PGA4: variants seen among roughly 807,000 people sequenced by gnomAD.
PGA4 encodes pepsin A-4.
For synonymous variants in PGA4, 4 were observed against 8.7 expected (o/e 0.46, Z 0.95); for missense variants, 7 against 20.3 (o/e 0.35, Z 1.26).
chr11:61,230,134 C>T, intron 7 of PGA4, 32 bp from the exon 8 acceptor site: 2 of 296,422 alleles, frequency 6.7e-6, no homozygotes. Context: ...GACAGAAACC[C>T]TTCTAACTTT....
At position 61,229,997 on chromosome 11, in the gene PGA4, C is replaced by T. The variant is rs201880291; in HGVS notation, c.852C>T (p.Thr284=). ...AIVDTGTSLL[T]GPTSPIANIQ... ...TTGACACCGGCACCTCTCTGCTGAC[C>T]GGCCCAACCAGCCCCATTGCCAACA... The change falls in exon 7 of 9, where the codon ACC becomes ACT. Residue 284 remains threonine (T), a synonymous_variant. Coordinates refer to ENST00000378149, the MANE Select transcript of PGA4 (RefSeq NM_001079808.6). 1.3e-5 allele frequency: 2 copies of T among 154,338 alleles called. No homozygotes were observed. The highest frequency in any genetic ancestry group is 2.5e-4 in the Admixed American group (2 of 8,040). 9.6% of individuals were successfully genotyped at this position (154,338 alleles called of 1,614,324 possible).
At position 61,230,226 on chromosome 11, in the gene PGA4, G is replaced by C. The variant is rs141571767; in HGVS notation, c.979G>C (p.Val327Leu). Residue 327 changes from valine (V) to leucine (L), a missense_variant, in exon 8 of 9, where the codon GTC (valine) becomes CTC (leucine). Val to Leu is a conservative substitution (Grantham distance 32). Transcript: ENST00000378149. Reference protein sequence around the residue: ...LPDIVFTINGVQYPVPPSAYI... With the variant: ...LPDIVFTINGLQYPVPPSAYI... ...CGACATCGTCTTCACCATCAATGGA[G>C]TCCAGTACCCCGTGCCACCCAGTGC... 2.5e-6 allele frequency: 1 copy of C among 405,834 alleles called. No individual in the cohort carries two copies. The highest frequency in any genetic ancestry group is 4.0e-6 in the Non-Finnish European group (1 of 252,554). 25.1% of individuals were successfully genotyped at this position (405,834 alleles called of 1,614,324 possible).
At position 61,230,208 on chromosome 11, in the gene PGA4, G is replaced by T. The variant is rs775886697; in HGVS notation, c.961G>T (p.Val321Phe). The T allele has an allele frequency of 4.7e-4, 190 of 401,854 alleles. 11 individuals are homozygous for T. The highest frequency in any genetic ancestry group is 6.2e-4 in the Non-Finnish European group (155 of 251,588). The allele number at this position is 401,854 out of a possible 1,614,324, so 24.9% of individuals were successfully genotyped here. A position where few individuals can be genotyped will look rare whatever the true frequency, so the allele number is the denominator to read the frequency against. The part of the protein sequence containing the change: ...CSAISSLPDI[V>F]FTINGVQYPV... ...AGCCATCAGCAGCCTGCCCGACATC[G>T]TCTTCACCATCAATGGAGTCCAGTA... is the stretch of plus-strand genomic sequence containing the variant. Residue 321 changes from valine to phenylalanine, a missense_variant, in exon 8 of 9, where the codon GTC becomes TTC. By Grantham distance (50) the Val-to-Phe change is conservative. Coordinates refer to ENST00000378149, the MANE Select transcript of PGA4 (RefSeq NM_001079808.6).
Position 61,230,522 on chromosome 11 carries a change from G to C in PGA4, c.1017+258G>C, listed in dbSNP as rs199521721. 1,160 of 313,436 alleles carry C rather than the reference G, an allele frequency of 3.7e-3. 45 individuals carry two copies. Among genetic ancestry groups the C allele is most frequent in the African/African-American group, 0.017 (357 of 21,414 alleles). The allele number at this position is 313,436 out of a possible 1,614,324, so 19.4% of individuals were successfully genotyped here. On this transcript the variant is annotated intron_variant, in intron 8 of 8. Coordinates refer to ENST00000378149, the MANE Select transcript of PGA4 (RefSeq NM_001079808.6). ...AAAGAGGATTCTATTTGGACCCCTGGGTCCAAGTCCTGGGTCTGAATTACT... is the reference window on the plus strand; with the variant it reads ...AAAGAGGATTCTATTTGGACCCCTGCGTCCAAGTCCTGGGTCTGAATTACT...
chr11:61,230,097 C>T, intron 7 of PGA4, 34 bp downstream of exon 7: 1 of 254,138 alleles, frequency 3.9e-6, no homozygotes, highest in Non-Finnish European at 6.3e-6. Context: ...GTTCTACACT[C>T]AAGTAGTGGG....
Position 61,229,718 on chromosome 11 carries a change from C to T in PGA4, c.774-201C>T. 9 of 4,354 alleles carry T rather than the reference C, an allele frequency of 2.1e-3. 2 individuals carry two copies. The highest frequency in any genetic ancestry group is 6.2e-3 in the Admixed American group (9 of 1,456). 0.3% of individuals were successfully genotyped at this position (4,354 alleles called of 1,614,324 possible). A position where few individuals can be genotyped will look rare whatever the true frequency, so the allele number is the denominator to read the frequency against. On this transcript the variant is annotated intron_variant, in intron 6 of 8. Coordinates refer to ENST00000378149, the MANE Select transcript of PGA4 (RefSeq NM_001079808.6). ...TTGTTTCACTTGGCATTTCCCATGC[C>T]TGGCAGAGAGTAGGCACTTGGGAAA...
Position 61,230,083 on chromosome 11 carries a change from C to T in PGA4, c.918+20C>T, listed in dbSNP as rs1853999746. The T allele has an allele frequency of 4.5e-6, 1 of 223,274 alleles. No individual in the cohort carries two copies. Among genetic ancestry groups the T allele is most frequent in the Admixed American group, 8.9e-5 (1 of 11,210 alleles). The allele number at this position is 223,274 out of a possible 1,614,324, so 13.8% of individuals were successfully genotyped here. On this transcript the variant is annotated intron_variant, in intron 7 of 8. Coordinates refer to ENST00000378149, the MANE Select transcript of PGA4 (RefSeq NM_001079808.6). ...GGCGACGTGAGTCCAGCCCCGACTG[C>T]TCTGTTCTACACTCAAGTAGTGGGT...
intron 7 of PGA4, 34 bp from the exon 8 acceptor site, chr11:61,230,132 C>T: frequency 3.4e-6 from 1 of 292,394 alleles, no homozygotes; most frequent in East Asian, 1.1e-4. Context: ...GGGACAGAAA[C>T]CCTTCTAACT....
chr11:61,229,785 AC>A, intron 6 of PGA4, 133 bp from the exon 7 acceptor site: 2 of 10,638 alleles, frequency 1.9e-4, no homozygotes, highest in South Asian at 1.0e-3. Flanking sequence ...GAGTGCGTGA[AC>A]GAGAGGAACA....
intron 8 of PGA4, 63 bp downstream of exon 8, chr11:61,230,327 T>C (rs1854002318): frequency 1.9e-6 from 1 of 516,798 alleles, no homozygotes; most frequent in African/African-American, 4.0e-5. Context: ...AGAGTTCCCC[T>C]CTGCAGACGG....
chr11:61,230,360 A>G (rs1854002783), intron 8 of PGA4, 96 bp downstream of exon 8: 1 of 560,542 alleles, frequency 1.8e-6, no homozygotes, highest in Non-Finnish European at 2.4e-6. Context: ...CACGAGCTGA[A>G]GCCAGCAGGC....
chr11:61,230,503 G>A lies in PGA4; in HGVS notation c.1017+239G>A, dbSNP rs1250645205. The A allele has an allele frequency of 9.9e-6, 3 of 302,380 alleles. No homozygotes were observed. The African/African-American group carries it at 1.3e-4, about 13-fold the overall frequency. The allele number at this position is 302,380 out of a possible 1,614,324, so 18.7% of individuals were successfully genotyped here. ...GCAAAGGTTAATGGAGTGAAAAGAG[G>A]ATTCTATTTGGACCCCTGGGTCCAA... On this transcript the variant is annotated intron_variant, in intron 8 of 8. Coordinates refer to ENST00000378149, the MANE Select transcript of PGA4 (RefSeq NM_001079808.6).
In PGA4 at chr11:61,230,641, G is replaced by A. The variant is rs1372982430; in HGVS notation, c.1017+377G>A. On this transcript the variant is annotated intron_variant, in intron 8 of 8. Coordinates refer to ENST00000378149, the MANE Select transcript of PGA4 (RefSeq NM_001079808.6). ...GCAGCTTTCCCCACCCTCAGAGTGC[G>A]GTTAGGTCAACCAAGTGAGACTGAT... 7.2e-5 allele frequency: 20 copies of A among 277,764 alleles called. 2 individuals carry two copies. The highest frequency in any genetic ancestry group is 4.1e-4 in the Admixed American group (9 of 21,792). 17.2% of individuals were successfully genotyped at this position (277,764 alleles called of 1,614,324 possible).
At position 61,230,606 on chromosome 11, in the gene PGA4, A is replaced by G. The variant is rs186023011; in HGVS notation, c.1017+342A>G. ...TCACCCTCAGTTTTCTCATCCAAAA[A>G]GTAGAGATGGCAGCTTTCCCCACCC... On this transcript the variant is annotated intron_variant, in intron 8 of 8. Coordinates refer to ENST00000378149, the MANE Select transcript of PGA4 (RefSeq NM_001079808.6). The G allele has an allele frequency of 2.7e-3, 819 of 298,406 alleles. 46 individuals are homozygous for G. The highest frequency in any genetic ancestry group is 0.013 in the African/African-American group (242 of 19,242). 18.5% of individuals were successfully genotyped at this position (298,406 alleles called of 1,614,324 possible).
chr11:61,230,335 C>A lies in PGA4; in HGVS notation c.1017+71C>A. On this transcript the variant is annotated intron_variant, in intron 8 of 8. Coordinates refer to ENST00000378149, the MANE Select transcript of PGA4 (RefSeq NM_001079808.6). ...TGGACACAGAGTTCCCCTCTGCAGA[C>A]GGAAAGTACACTTCCACGAGCTGAA... is the stretch of plus-strand genomic sequence containing the variant. The A allele has an allele frequency of 3.8e-6, 2 of 526,266 alleles. 1 individual carries two copies. The highest frequency in any genetic ancestry group is 9.8e-5 in the South Asian group (2 of 20,444). 32.6% of individuals were successfully genotyped at this position (526,266 alleles called of 1,614,324 possible).
At chr11:61,230,906 A>T (rs1249159614) in intron 8 of PGA4, 1 of 185,176 alleles carries the variant, frequency 5.4e-6, no homozygotes, top group East Asian at 1.0e-4. Context: ...ACATTAGGAG[A>T]GGGCAAGGCC....
At chr11:61,230,600 C>T in intron 8 of PGA4, 1 of 312,760 alleles carries the variant, frequency 3.2e-6, no homozygotes, top group Non-Finnish European at 5.9e-6. Context: ...GTTTTCTCAT[C>T]CAAAAAGTAG....
At chr11:61,230,582 C>G (rs573188088) in intron 8 of PGA4, 2 of 336,888 alleles carry the variant, frequency 5.9e-6, no homozygotes, top group East Asian at 8.7e-5. Flanking sequence ...CAGCTCATCT[C>G]ACCCTCAGTT....
In PGA4 at chr11:61,230,081, T is replaced by G; in HGVS notation, c.918+18T>G. On this transcript the variant is annotated intron_variant, in intron 7 of 8. Transcript: ENST00000378149. Reference sequence around the variant, plus strand: ...ATGGCGACGTGAGTCCAGCCCCGACTGCTCTGTTCTACACTCAAGTAGTGG... The same window carrying G: ...ATGGCGACGTGAGTCCAGCCCCGACGGCTCTGTTCTACACTCAAGTAGTGG... 4.7e-6 allele frequency: 1 copy of G among 214,124 alleles called. No individual in the cohort carries two copies. The allele number at this position is 214,124 out of a possible 1,614,324, so 13.3% of individuals were successfully genotyped here.
Sources: allele counts gnomAD v4.1 joint callset, GRCh38; gene constraint gnomAD v4.1.1; transcripts MANE v1.5; gene names NCBI Gene and HGNC (gene_info 2026-07-23, HGNC 2026-07-21).